The following PRKN variants were observed in gnomAD, a reference collection of about 807,000 sequenced individuals.
PRKN encodes E3 ubiquitin-protein ligase parkin.
In PRKN, 56 loss-of-function variants were observed where a neutral mutation model predicts 59.5. The ratio of observed to expected loss-of-function variants is 0.94; its 90% CI spans 0.76 to 1.18. PRKN has a LOEUF of 1.18. PRKN is among the 50% of genes most tolerant of loss of function. PRKN has a pLI of 0.00. For synonymous variants in PRKN, 250 were observed against 222.1 expected (o/e 1.13, Z -1.12); for missense variants, 657 against 596.4 (o/e 1.10, Z -1.06).
intron 1 of PRKN, among the ~76,000 whole-genome samples, chr6:162,645,868 CTTT>C (rs751656108): frequency 8.3e-5 from 10 of 121,148 alleles, no homozygotes; most frequent in African/African-American, 1.5e-4. Context: ...TAAACTTTCT[CTTT>C]TTTTTTTTTT....
At chr6:161,637,150 T>C (rs936354221) in intron 7 of PRKN, among the ~76,000 whole-genome samples, 7 of 152,154 alleles carry the variant, frequency 4.6e-5, no homozygotes, top group Admixed American at 2.0e-4. Flanking sequence ...ATTGGAAGTG[T>C]GTCTGCTGAG....
intron 1 of PRKN, chr6:162,569,513 AC>A (rs1780222240): frequency 4.3e-6 from 3 of 702,904 alleles, no homozygotes; most frequent in Non-Finnish European, 8.0e-6. Context: ...GAGTATCCAT[AC>A]AAAGACCACC....
chr6:162,622,474 G>A (rs554567459), intron 1 of PRKN, among the ~76,000 whole-genome samples: 19 of 152,148 alleles, frequency 1.2e-4, no homozygotes, highest in Non-Finnish European at 2.5e-4. Context: ...GTGAGCCACC[G>A]TGCCTGGCCT....
At chr6:161,422,050 AT>A (rs775603011) in intron 9 of PRKN, among the ~76,000 whole-genome samples, 3 of 152,096 alleles carry the variant, frequency 2.0e-5, no homozygotes, top group South Asian at 2.1e-4. Flanking sequence ...AAAGGAAAAT[AT>A]TTTTCAAGTT....
intron 9 of PRKN, among the ~76,000 whole-genome samples, chr6:161,485,681 G>T (rs1285436221): frequency 1.3e-5 from 2 of 152,038 alleles, no homozygotes. Flanking sequence ...TTTTTGGACA[G>T]ATTCACTTGA....
chr6:162,039,542 C>T (rs1783982683), intron 5 of PRKN, among the ~76,000 whole-genome samples: 3 of 152,206 alleles, frequency 2.0e-5, no homozygotes, highest in African/African-American at 2.4e-5. Context: ...CCCATGGGAC[C>T]TCTGCCCAGA....
intron 4 of PRKN, among the ~76,000 whole-genome samples, chr6:162,193,943 A>G (rs1272195807): frequency 1.3e-5 from 2 of 152,190 alleles, no homozygotes; most frequent in Non-Finnish European, 2.9e-5. Context: ...AAAGTCCTGG[A>G]AATTCAATAT....
chr6:161,609,736 C>G (rs1279328025), intron 7 of PRKN, among the ~76,000 whole-genome samples: 1 of 152,128 alleles, frequency 6.6e-6, no homozygotes, highest in Non-Finnish European at 1.5e-5. Flanking sequence ...TACTAACAGG[C>G]AGGTTTTGGG....
At chr6:162,372,689 A>T (rs1274842128) in intron 2 of PRKN, among the ~76,000 whole-genome samples, 2 of 152,208 alleles carry the variant, frequency 1.3e-5, no homozygotes, top group Non-Finnish European at 2.9e-5. Context: ...AAACCTACAC[A>T]GGTACCACCT....
rs1252642375 is a variant in PRKN, at chr6:161,470,372, G to A, written c.1083+78482C>T. 1.3e-5 allele frequency among the ~76,000 whole-genome samples: 2 copies of A among 152,080 alleles called. No individual in the cohort carries two copies. Among genetic ancestry groups the A allele is most frequent in the Non-Finnish European group, 1.5e-5 (1 of 68,028 alleles). On this transcript the variant is annotated intron_variant, in intron 9 of 11. Coordinates refer to ENST00000366898, the MANE Select transcript of PRKN (RefSeq NM_004562.3). The surrounding 1 kb of genome is among the most constrained non-coding windows in gnomAD (Gnocchi z 5.1). ...GCTCATCACTCTTCTGCTGGAGCTG[G>A]GAGTGGTGGAAGACCTGAGGTTTTC...
chr6:161,836,682 G>A (rs1252211338), intron 6 of PRKN, among the ~76,000 whole-genome samples: 5 of 152,134 alleles, frequency 3.3e-5, no homozygotes, highest in Admixed American at 6.5e-5. Flanking sequence ...CAAAATGGAA[G>A]GTAGAAAACA....
intron 2 of PRKN, among the ~76,000 whole-genome samples, chr6:162,380,728 A>G (rs548256864): frequency 6.6e-6 from 1 of 151,720 alleles, no homozygotes; most frequent in East Asian, 1.9e-4. Flanking sequence ...CTACTGTTTA[A>G]AAAAAAACCT....
chr6:161,677,926 A>G (rs1450694425), intron 7 of PRKN, among the ~76,000 whole-genome samples: 1 of 152,202 alleles, frequency 6.6e-6, no homozygotes, highest in African/African-American at 2.4e-5. Context: ...TTTCAGTTGT[A>G]CTGAAGTGAA....
At chr6:162,084,141 G>A (rs1365540749) in intron 4 of PRKN, among the ~76,000 whole-genome samples, 1 of 151,952 alleles carries the variant, frequency 6.6e-6, no homozygotes, top group South Asian at 2.1e-4. Context: ...TATTTGAAGG[G>A]GTAGGTCATA....
intron 3 of PRKN, among the ~76,000 whole-genome samples, chr6:162,252,924 T>C (rs1779494309): frequency 6.6e-6 from 1 of 152,206 alleles, no homozygotes; most frequent in African/African-American, 2.4e-5. Flanking sequence ...ACACATATTA[T>C]TAAGTTAGTA....
At chr6:161,720,060 A>G (rs2982906) in intron 7 of PRKN, among the ~76,000 whole-genome samples, 134,000 of 152,192 alleles carry the variant, frequency 0.88, 59,309 homozygotes, top group East Asian at 1. Context: ...CTAGGATTAC[A>G]GCACAACAAA....
At chr6:162,524,181 G>A (rs533941622) in intron 1 of PRKN, among the ~76,000 whole-genome samples, 1 of 152,106 alleles carries the variant, frequency 6.6e-6, no homozygotes, top group Non-Finnish European at 1.5e-5. Context: ...CCTAAAATTT[G>A]ATTTTCTGTG....
chr6:162,357,608 C>T (rs147838238), intron 2 of PRKN, among the ~76,000 whole-genome samples: 2 of 152,268 alleles, frequency 1.3e-5, no homozygotes, highest in Non-Finnish European at 2.9e-5. Context: ...AGCAGATTTA[C>T]CATGCAATCC....
intron 6 of PRKN, among the ~76,000 whole-genome samples, chr6:161,902,966 G>A (rs904951376): frequency 3.3e-5 from 5 of 152,148 alleles, no homozygotes; most frequent in Non-Finnish European, 7.3e-5. Flanking sequence ...GCTGCAAGAT[G>A]GGCAAGACGG....
Sources: allele counts gnomAD v4.1 joint callset (sites outside exome capture counted in the v4.1 genomes callset), GRCh38; gene constraint gnomAD v4.1.1; non-coding constraint Gnocchi (gnomAD v3.1); transcripts MANE v1.5; gene names NCBI Gene and HGNC (gene_info 2026-07-23, HGNC 2026-07-21).